The following SYNPO2 variants were observed in gnomAD, a reference collection of about 807,000 sequenced individuals.
The protein encoded by SYNPO2 is synaptopodin-2.
In SYNPO2, 56 loss-of-function variants were observed where a neutral mutation model predicts 85.0. The ratio of observed to expected loss-of-function variants is 0.66; its 90% CI spans 0.53 to 0.82. SYNPO2 has a LOEUF of 0.82. Ranked by LOEUF, SYNPO2 falls within the 40% of genes least tolerant of loss-of-function variation. The pLI, the probability that SYNPO2 is intolerant of heterozygous loss-of-function variation, is 0.00. For synonymous variants in SYNPO2, 602 were observed against 591.1 expected (o/e 1.02, Z -0.27); for missense variants, 1,575 against 1,534.2 (o/e 1.03, Z -0.44).
intron 1 of SYNPO2, among the ~76,000 whole-genome samples, chr4:119,001,154 A>C (rs1250551303): frequency 6.6e-6 from 1 of 152,218 alleles, no homozygotes; most frequent in African/African-American, 2.4e-5. Context: ...TAATGTGGCC[A>C]TGCCCCCTTG....
intron 1 of SYNPO2, among the ~76,000 whole-genome samples, chr4:118,928,497 G>A (rs998471623): frequency 9.9e-5 from 15 of 152,156 alleles, no homozygotes; most frequent in African/African-American, 3.6e-4. Flanking sequence ...GATGGCATAG[G>A]TTTTATGAGG....
At chr4:118,893,216 T>C (rs572386685) in intron 1 of SYNPO2, among the ~76,000 whole-genome samples, 1 of 152,330 alleles carries the variant, frequency 6.6e-6, no homozygotes, top group South Asian at 2.1e-4. Context: ...TAGATAAATC[T>C]ATTAAGTAGG....
At chr4:118,988,686 T>A (rs1328127495) in intron 1 of SYNPO2, among the ~76,000 whole-genome samples, 1 of 152,202 alleles carries the variant, frequency 6.6e-6, no homozygotes, top group East Asian at 1.9e-4. Flanking sequence ...CAATTGACAT[T>A]ATGATGAGGA....
At chr4:118,998,134 GTTAT>G (rs1736686488) in intron 1 of SYNPO2, among the ~76,000 whole-genome samples, 1 of 152,194 alleles carries the variant, frequency 6.6e-6, no homozygotes, top group African/African-American at 2.4e-5. Context: ...GTATGTGTCA[GTTAT>G]TTGAGGAAAA....
chr4:118,870,036 T>C (rs1007649542), intron 1 of SYNPO2, among the ~76,000 whole-genome samples: 1 of 152,212 alleles, frequency 6.6e-6, no homozygotes, highest in African/African-American at 2.4e-5. Context: ...TCCTGATCTA[T>C]TGGCAGACTC....
At chr4:118,976,832 C>T (rs1382367161) in intron 1 of SYNPO2, among the ~76,000 whole-genome samples, 1 of 151,444 alleles carries the variant, frequency 6.6e-6, no homozygotes, top group Non-Finnish European at 1.5e-5. Flanking sequence ...AGGTTCTCCA[C>T]GTCCTCACCA....
Position 119,058,856 on chromosome 4 carries a change from TA to T in SYNPO2, c.*925del, listed in dbSNP as rs1171571873. 1 of 152,128 alleles carries T rather than the reference TA, an allele frequency of 6.6e-6. No homozygotes were observed. The highest frequency in any genetic ancestry group is 1.5e-5 in the Non-Finnish European group (1 of 68,014). 9.4% of individuals were successfully genotyped at this position (152,128 alleles called of 1,614,324 possible). A position where few individuals can be genotyped will look rare whatever the true frequency, so the allele number is the denominator to read the frequency against. ...AAATGTGGGAGTTCTCAGAAAGAAA[TA>T]AACACATGAGAATAAGATTATTACA... is the stretch of plus-strand genomic sequence containing the variant. On this transcript the variant is annotated 3_prime_UTR_variant, in exon 5 of 5. Transcript: ENST00000307142.
At chr4:118,854,170 A>G (rs1336750929) in intron 1 of SYNPO2, among the ~76,000 whole-genome samples, 1 of 152,186 alleles carries the variant, frequency 6.6e-6, no homozygotes, top group African/African-American at 2.4e-5. Context: ...TTACACAAAA[A>G]ACAAAGAATC....
At chr4:118,869,152 G>A (rs1731755259) in intron 1 of SYNPO2, among the ~76,000 whole-genome samples, 1 of 152,158 alleles carries the variant, frequency 6.6e-6, no homozygotes, top group Non-Finnish European at 1.5e-5. Flanking sequence ...CACCTCCCAG[G>A]TTCAAGCAAT....
chr4:118,949,127 G>T (rs1350601088), intron 1 of SYNPO2, among the ~76,000 whole-genome samples: 3 of 152,172 alleles, frequency 2.0e-5, no homozygotes, highest in African/African-American at 7.2e-5. Flanking sequence ...TGTCCCCCCA[G>T]GAGCATGAAA....
At chr4:119,039,445 G>A (rs1182540816) in intron 4 of SYNPO2, among the ~76,000 whole-genome samples, 1 of 152,084 alleles carries the variant, frequency 6.6e-6, no homozygotes, top group African/African-American at 2.4e-5. Flanking sequence ...ATCAAAATAA[G>A]AAATAGTGCA....
intron 1 of SYNPO2, among the ~76,000 whole-genome samples, chr4:118,971,506 G>A (rs6850216): frequency 0.8 from 121,508 of 152,220 alleles, 48,888 homozygotes; most frequent in South Asian, 0.89. Context: ...CTAGAATGGC[G>A]CTTCCATATC....
intron 1 of SYNPO2, among the ~76,000 whole-genome samples, chr4:118,858,829 C>T (rs1731557329): frequency 6.6e-6 from 1 of 152,212 alleles, no homozygotes; most frequent in Non-Finnish European, 1.5e-5. Flanking sequence ...TTATTTTAGC[C>T]TAAGGTGCTT....
intron 1 of SYNPO2, among the ~76,000 whole-genome samples, chr4:118,941,843 G>T (rs1734323578): frequency 6.6e-6 from 1 of 152,234 alleles, no homozygotes; most frequent in Non-Finnish European, 1.5e-5. Context: ...AGAACGAGGG[G>T]AAGGCAGAGG....
intron 1 of SYNPO2, among the ~76,000 whole-genome samples, chr4:119,018,019 A>G (rs1009556903): frequency 6.6e-6 from 1 of 152,214 alleles, no homozygotes; most frequent in Non-Finnish European, 1.5e-5. Context: ...TTATTTATTC[A>G]TAAAACTAAA....
At chr4:118,898,273 C>G (rs2892831) in intron 1 of SYNPO2, among the ~76,000 whole-genome samples, 69,625 of 151,898 alleles carry the variant, frequency 0.46, 16,551 homozygotes, top group African/African-American at 0.57. Flanking sequence ...TCAGTAGCCC[C>G]TATTCCATTT....
At position 119,030,759 on chromosome 4, in the gene SYNPO2, G is replaced by A. The variant is rs759797608; in HGVS notation, c.1984G>A (p.Asp662Asn). 1.6e-5 allele frequency: 26 copies of A among 1,614,008 alleles called. No individual in the cohort carries two copies. The Admixed American group carries it at 2.2e-4, about 13-fold the overall frequency. Residue 662 changes from aspartate (D) to asparagine (N), a missense_variant, in exon 4 of 5, where the codon GAT becomes AAT. Asp to Asn is a conservative substitution (Grantham distance 23, BLOSUM62 1). Around this residue, in one of 3 missense-constraint regions of SYNPO2, gnomAD observed 1,508 missense variants for 1,446.8 expected, o/e 1.04. Coordinates refer to ENST00000307142, the MANE Select transcript of SYNPO2 (RefSeq NM_133477.3). The stretch of plus-strand genomic sequence containing the variant: ...CCCGTGGTCCCAGCCAGCCTTTTAC[G>A]ATTCGTCTGAGCGAATAGCTTCCCG... ...PAPWSQPAFY[D>N]SSERIASRDE...
chr4:118,900,703 C>CTCTCTCTCTCTCTCTCTA (rs1277981772), intron 1 of SYNPO2, among the ~76,000 whole-genome samples: 3 of 43,898 alleles, frequency 6.8e-5, no homozygotes, highest in Admixed American at 2.9e-4. Context: ...CTCTCTCTCT[C>CTCTCTCTCTCTCTCTCTA]TATATATATA....
chr4:119,023,545 A>G lies in SYNPO2; in HGVS notation c.221A>G (p.Glu74Gly). ...LTYPEVIKLM[E>G]SITDSLQMLI... ...TACCCTGAAGTCATCAAGCTCATGG[A>G]AAGCATAACAGACTCTCTCCAAATG... The change falls in exon 2 of 5, where the codon GAA (glutamate) becomes GGA (glycine). Residue 74 changes from glutamate (E) to glycine (G), a missense_variant. Around this residue, in one of 3 missense-constraint regions of SYNPO2, gnomAD observed 1,508 missense variants for 1,446.8 expected, o/e 1.04. Coordinates refer to ENST00000307142, the MANE Select transcript of SYNPO2 (RefSeq NM_133477.3). The G allele has an allele frequency of 6.2e-7, 1 of 1,613,848 alleles. No individual in the cohort carries two copies. Among genetic ancestry groups the G allele is most frequent in the Non-Finnish European group, 8.5e-7 (1 of 1,179,832 alleles).
Sources: allele counts gnomAD v4.1 joint callset (sites outside exome capture counted in the v4.1 genomes callset), GRCh38; gene constraint gnomAD v4.1.1; regional missense constraint gnomAD v4.1.1; transcripts MANE v1.5; gene names NCBI Gene and HGNC (gene_info 2026-07-23, HGNC 2026-07-21).